The following UBE2D2 variants were observed in gnomAD, a reference collection of about 807,000 sequenced individuals.
The protein encoded by UBE2D2 is ubiquitin conjugating enzyme E2 D2, also known as ubiquitin-conjugating enzyme E2 D2.
A neutral mutation model predicts 24.2 loss-of-function variants in UBE2D2; 2 were observed. The observed-to-expected ratio is 0.08, with a 90% CI of 0.03 to 0.26. The LOEUF (loss-of-function observed/expected upper bound fraction) is 0.26, where lower values mean the gene tolerates loss of function less well. Ranked by LOEUF, UBE2D2 falls within the 10% of genes least tolerant of loss-of-function variation. UBE2D2 has a pLI of 1.00. For missense variants in UBE2D2, 44 were observed against 177.6 expected, an observed-to-expected ratio of 0.25 and a Z score of 4.28; for synonymous variants, 58 against 56.5, an observed-to-expected ratio of 1.03 and a Z score of -0.12.
chr5:139,540,887 G>A (rs946913274), intron 1 of UBE2D2, among the ~76,000 whole-genome samples: 12 of 151,944 alleles, frequency 7.9e-5, no homozygotes, highest in East Asian at 3.9e-4. Flanking sequence ...CCAGCTACTC[G>A]GGAGGCTGAG....
chr5:139,545,464 T>C (rs1315699557), intron 1 of UBE2D2, among the ~76,000 whole-genome samples: 4 of 151,916 alleles, frequency 2.6e-5, no homozygotes, highest in Non-Finnish European at 4.4e-5. Context: ...TCTCGCTCTG[T>C]TGCCCAGGCT....
intron 1 of UBE2D2, among the ~76,000 whole-genome samples, chr5:139,574,735 CAAAAAAAAAAA>C (rs75539434): frequency 1.4e-5 from 1 of 70,750 alleles, no homozygotes; most frequent in African/African-American, 4.9e-5. Context: ...GGTGGGGTGG[CAAAAAAAAAAA>C]AAAAAAAGAA....
intron 1 of UBE2D2, among the ~76,000 whole-genome samples, chr5:139,588,070 C>T (rs1406347457): frequency 6.6e-6 from 1 of 152,020 alleles, no homozygotes; most frequent in South Asian, 2.1e-4. Flanking sequence ...CACAAGTGAT[C>T]CCCCAGCCTC....
chr5:139,586,383 T>C (rs1753725259), intron 1 of UBE2D2, among the ~76,000 whole-genome samples: 1 of 152,200 alleles, frequency 6.6e-6, no homozygotes, highest in Non-Finnish European at 1.5e-5. Context: ...GACCTTATTC[T>C]CTGACTTCCT....
chr5:139,611,654 T>C (rs1354160334), intron 2 of UBE2D2, among the ~76,000 whole-genome samples: 1 of 152,180 alleles, frequency 6.6e-6, no homozygotes, highest in Non-Finnish European at 1.5e-5. Flanking sequence ...ACCAATGATA[T>C]AACTAGTGAC....
chr5:139,559,425 CAAAAAAAAAAA>C (rs113176227), upstream of UBE2D2, among the ~76,000 whole-genome samples: 5 of 108,456 alleles, frequency 4.6e-5, no homozygotes, highest in Non-Finnish European at 8.0e-5. Context: ...GACTCCGTCT[CAAAAAAAAAAA>C]AAAAGAAATC....
intron 1 of UBE2D2, among the ~76,000 whole-genome samples, chr5:139,590,782 CTTTTTTTTTT>C (rs57962602): frequency 5.8e-3 from 222 of 38,418 alleles, no homozygotes; most frequent in East Asian, 0.049. Context: ...TTCTCTTCTT[CTTTTTTTTTT>C]TTTTTTTTTT....
chr5:139,597,044 T>TA (rs1051440749), intron 1 of UBE2D2, among the ~76,000 whole-genome samples: 58 of 148,420 alleles, frequency 3.9e-4, no homozygotes, highest in African/African-American at 1.3e-3. Flanking sequence ...AGACTCCATC[T>TA]AAAAAAAAAA....
At chr5:139,604,353 G>C (rs925139240) in intron 2 of UBE2D2, among the ~76,000 whole-genome samples, 14 of 151,964 alleles carry the variant, frequency 9.2e-5, no homozygotes, top group South Asian at 2.1e-4. Flanking sequence ...GGCCAGGCTG[G>C]TCTTGAACTC....
At position 139,623,688 on chromosome 5, in the gene UBE2D2, T is replaced by TTTTTTTTGTTTG. The variant is rs549529862; in HGVS notation, c.398+235_398+246dup. 7.3e-3 allele frequency: 2,858 copies of TTTTTTTTGTTTG among 391,282 alleles called. 19 individuals carry two copies. The highest frequency in any genetic ancestry group is 0.02 in the Middle Eastern group (37 of 1,848). The allele number at this position is 391,282 out of a possible 1,614,324, so 24.2% of individuals were successfully genotyped here. On this transcript the variant is annotated intron_variant, in intron 6 of 6. Coordinates refer to ENST00000398733, the MANE Select transcript of UBE2D2 (RefSeq NM_003339.3). The stretch of plus-strand genomic sequence containing the variant: ...TGACTCCTCTTGTCTACAAAAACTT[T>TTTTTTTTGTTTG]TTTTTTTGTTTGTTTTTTTTTGAGA...
At chr5:139,622,434 G>A (rs1754529018) in intron 5 of UBE2D2, among the ~76,000 whole-genome samples, 1 of 150,384 alleles carries the variant, frequency 6.6e-6, no homozygotes, top group Non-Finnish European at 1.5e-5. Context: ...TAGTAGAGAT[G>A]GGGTTTTACC....
intron 1 of UBE2D2, among the ~76,000 whole-genome samples, chr5:139,585,149 C>T (rs1158344990): frequency 6.6e-6 from 1 of 151,752 alleles, no homozygotes; most frequent in East Asian, 1.9e-4. Flanking sequence ...ATCCACCCAC[C>T]TCAGCCTCCC....
chr5:139,567,384 C>T (rs999955954), intron 1 of UBE2D2, among the ~76,000 whole-genome samples: 3 of 151,928 alleles, frequency 2.0e-5, no homozygotes, highest in Admixed American at 6.6e-5. Context: ...AAGCATGAGA[C>T]ACCGTGCCCG....
At chr5:139,624,239 G>T (rs1313535870) in intron 6 of UBE2D2, among the ~76,000 whole-genome samples, 1 of 152,158 alleles carries the variant, frequency 6.6e-6, no homozygotes, top group African/African-American at 2.4e-5. Context: ...TTTTAGAATT[G>T]TACTATGAAT....
intron 1 of UBE2D2, among the ~76,000 whole-genome samples, chr5:139,596,863 G>A (rs2126682138): frequency 6.6e-6 from 1 of 151,972 alleles, no homozygotes; most frequent in South Asian, 2.1e-4. Flanking sequence ...TGCTAACACG[G>A]TGAAACCCCA....
intron 1 of UBE2D2, among the ~76,000 whole-genome samples, chr5:139,555,952 A>AG (rs1752976530): frequency 6.7e-6 from 1 of 148,542 alleles, no homozygotes; most frequent in African/African-American, 2.5e-5. Context: ...AAAAAAAAAA[A>AG]AAGGCCAGGC....
At chr5:139,616,753 C>T (rs960974065) in intron 5 of UBE2D2, among the ~76,000 whole-genome samples, 7 of 152,084 alleles carry the variant, frequency 4.6e-5, no homozygotes, top group African/African-American at 1.4e-4. Context: ...TTTATTTATA[C>T]TAAGAAAACA....
At chr5:139,583,997 T>C (rs747891011) in intron 1 of UBE2D2, among the ~76,000 whole-genome samples, 5 of 152,214 alleles carry the variant, frequency 3.3e-5, no homozygotes, top group Non-Finnish European at 7.4e-5. Context: ...AATAATAAGT[T>C]TATTATAGCC....
rs758643441 is a variant in UBE2D2, at chr5:139,562,343, C to T, written c.24+528C>T. ...TTCACTTACCTCTTGGGTGGCAGCA[C>T]ACATCGGTCCACCCTGCTTGTCCAG... is the stretch of plus-strand genomic sequence containing the variant. On this transcript the variant is annotated intron_variant, in intron 1 of 6. Coordinates refer to ENST00000398733, the MANE Select transcript of UBE2D2 (RefSeq NM_003339.3). The T allele has an allele frequency of 8.2e-6, 11 of 1,342,080 alleles. No homozygotes were observed. The East Asian group carries it at 4.6e-4, about 56-fold the overall frequency. The allele number at this position is 1,342,080 out of a possible 1,614,324, so 83.1% of individuals were successfully genotyped here.
Sources: allele counts gnomAD v4.1 joint callset (sites outside exome capture counted in the v4.1 genomes callset), GRCh38; gene constraint gnomAD v4.1.1; transcripts MANE v1.5; gene names NCBI Gene and HGNC (gene_info 2026-07-23, HGNC 2026-07-21).